Variants in EBF2 observed in about 807,000 individuals in gnomAD.
EBF2 encodes transcription factor COE2.
Under a neutral mutation model 72.8 loss-of-function variants are expected in EBF2, and 21 were observed. That is an observed-to-expected ratio of 0.29 (90% CI 0.20 to 0.42). The LOEUF (loss-of-function observed/expected upper bound fraction) is 0.42, where lower values mean the gene tolerates loss of function less well. Among genes scored for constraint, EBF2 ranks in the 10% least tolerant of loss-of-function variants. The pLI is 1.00. For missense variants in EBF2, 637 were observed against 731.2 expected (o/e 0.87, Z 1.49); for synonymous variants, 299 against 274.2 (o/e 1.09, Z -0.89).
chr8:25,975,544 T>C (rs1804255595), intron 6 of EBF2, among the ~76,000 whole-genome samples: 1 of 152,344 alleles, frequency 6.6e-6, no homozygotes, highest in South Asian at 2.1e-4. Flanking sequence ...GCTGATCATA[T>C]ACGCTGGCTT....
intron 5 of EBF2, among the ~76,000 whole-genome samples, chr8:26,033,373 G>T (rs1805440878): frequency 1.3e-5 from 2 of 152,168 alleles, no homozygotes; most frequent in Admixed American, 1.3e-4. Flanking sequence ...GGGACTACAG[G>T]TGTGTGCCAC....
intron 6 of EBF2, among the ~76,000 whole-genome samples, chr8:26,011,622 A>C (rs1010157147): frequency 6.6e-6 from 1 of 152,156 alleles, no homozygotes; most frequent in African/African-American, 2.4e-5. Context: ...GAAGGTCTTT[A>C]GTAAACTGAC....
At chr8:25,852,159 T>A (rs960603851) in intron 14 of EBF2, among the ~76,000 whole-genome samples, 2 of 152,178 alleles carry the variant, frequency 1.3e-5, no homozygotes, top group African/African-American at 4.8e-5. Flanking sequence ...TCTGGAAGAA[T>A]CTCATGTAAT....
At chr8:26,017,717 GC>G (rs1254984205) in intron 6 of EBF2, among the ~76,000 whole-genome samples, 60 of 152,314 alleles carry the variant, frequency 3.9e-4, no homozygotes, top group African/African-American at 1.4e-3. Context: ...ATTGCTCATT[GC>G]CAGTGACAAT....
At chr8:25,921,958 C>T (rs562334143) in intron 6 of EBF2, among the ~76,000 whole-genome samples, 2 of 152,320 alleles carry the variant, frequency 1.3e-5, no homozygotes, top group South Asian at 4.1e-4. Context: ...CACATTATTG[C>T]TCAGAAATAT....
At chr8:26,035,168 G>A (rs13256044) in intron 5 of EBF2, among the ~76,000 whole-genome samples, 56,289 of 150,226 alleles carry the variant, frequency 0.37, 11,656 homozygotes, top group Middle Eastern at 0.5. Flanking sequence ...TTTGAGACAG[G>A]GTCTCCCTTT....
intron 6 of EBF2, among the ~76,000 whole-genome samples, chr8:26,005,478 T>TA (rs370941697): frequency 1.5e-4 from 1 of 6,610 alleles, no homozygotes; most frequent in Non-Finnish European, 2.2e-4. Flanking sequence ...TATAATATTA[T>TA]TTATAAAATA....
intron 10 of EBF2, among the ~76,000 whole-genome samples, chr8:25,881,197 C>T (rs1401310177): frequency 2.0e-5 from 3 of 152,272 alleles, no homozygotes; most frequent in Admixed American, 2.0e-4. Flanking sequence ...CTGATGGTGG[C>T]AATATTCCCA....
At chr8:25,863,471 G>C (rs1056256709) in intron 10 of EBF2, among the ~76,000 whole-genome samples, 1 of 152,004 alleles carries the variant, frequency 6.6e-6, no homozygotes, top group African/African-American at 2.4e-5. Context: ...ATTAATGAAT[G>C]GCATACTTTA....
At chr8:26,017,910 G>A (rs1469325244) in intron 6 of EBF2, among the ~76,000 whole-genome samples, 5 of 152,124 alleles carry the variant, frequency 3.3e-5, no homozygotes, top group African/African-American at 7.2e-5. Context: ...AGGGGGTTTC[G>A]CGTATCAGGT....
At chr8:25,938,920 G>A (rs28679776) in intron 6 of EBF2, among the ~76,000 whole-genome samples, 3,415 of 152,108 alleles carry the variant, frequency 0.022, 130 homozygotes, top group African/African-American at 0.077. Flanking sequence ...CACCATTCAC[G>A]TCAAGGAGTC....
chr8:25,952,120 G>A (rs79237373), intron 6 of EBF2, among the ~76,000 whole-genome samples: 5,719 of 152,066 alleles, frequency 0.038, 150 homozygotes, highest in Non-Finnish European at 0.058. Context: ...GAGTGAGACC[G>A]TGTATCTACA....
At chr8:25,879,381 A>C (rs1802569662) in intron 10 of EBF2, among the ~76,000 whole-genome samples, 1 of 152,200 alleles carries the variant, frequency 6.6e-6, no homozygotes, top group Non-Finnish European at 1.5e-5. Context: ...CTTCCAGCAA[A>C]CTCAATTATT....
At chr8:26,017,823 C>G (rs1212775315) in intron 6 of EBF2, among the ~76,000 whole-genome samples, 1 of 152,178 alleles carries the variant, frequency 6.6e-6, no homozygotes, top group African/African-American at 2.4e-5. Context: ...GCACCTAGAG[C>G]TATAAGAAGG....
intron 10 of EBF2, among the ~76,000 whole-genome samples, chr8:25,866,717 T>A (rs1585267040): frequency 1.3e-5 from 2 of 148,580 alleles, no homozygotes; most frequent in East Asian, 3.9e-4. Context: ...CTGCAACCTC[T>A]GCCTCCCAGG....
chr8:25,935,145 T>G (rs1803555039), intron 6 of EBF2, among the ~76,000 whole-genome samples: 1 of 152,160 alleles, frequency 6.6e-6, no homozygotes, highest in African/African-American at 2.4e-5. Flanking sequence ...CCATCCTTCA[T>G]TCTTCCTAAC....
chr8:25,850,811 GT>G, intron 14 of EBF2, 50 bp from the exon 15 acceptor site: 1 of 1,526,030 alleles, frequency 6.6e-7, no homozygotes, highest in Non-Finnish European at 8.7e-7. Flanking sequence ...TCTTCCTTCA[GT>G]TCACACATTT....
intron 10 of EBF2, among the ~76,000 whole-genome samples, chr8:25,875,512 G>GC (rs2117277775): frequency 6.6e-6 from 1 of 152,302 alleles, no homozygotes; most frequent in South Asian, 2.1e-4. Context: ...TTTGCCTCCT[G>GC]CAACTTCAGT....
At chr8:25,866,509 G>T (rs1219063855) in intron 10 of EBF2, among the ~76,000 whole-genome samples, 1 of 134,210 alleles carries the variant, frequency 7.5e-6, no homozygotes, top group African/African-American at 2.8e-5. Context: ...TAATATATAG[G>T]ACATATATAA....
Sources: gnomAD v4.1 joint callset for allele counts (sites outside exome capture counted in the v4.1 genomes callset) on GRCh38, gnomAD v4.1.1 for gene constraint, MANE v1.5 for transcripts, NCBI Gene and HGNC (gene_info 2026-07-23, HGNC 2026-07-21) for gene names.